The following KMT2E variants were observed in gnomAD, a reference collection of about 807,000 sequenced individuals.
KMT2E encodes histone reader KMT2E.
KMT2E carries 30 observed loss-of-function variants against 184.6 expected under a neutral mutation model. The ratio of observed to expected loss-of-function variants is 0.16; its 90% CI spans 0.12 to 0.22. KMT2E has a LOEUF of 0.22. KMT2E is among the 10% of genes least tolerant of loss of function. The probability of loss-of-function intolerance (pLI) is 1.00; values close to 1 mark genes in which losing one functional copy is unlikely to be tolerated. For synonymous variants in KMT2E, 815 were observed against 776.5 expected (o/e 1.05, Z -0.82); for missense variants, 2,023 against 2,237.4 (o/e 0.90, Z 1.93).
Position 105,078,942 on chromosome 7 carries a change from G to T in KMT2E, c.1227G>T (p.Arg409=), listed in dbSNP as rs143716416. Residue 409 remains arginine, a synonymous_variant, in exon 12 of 27, where the codon CGG becomes CGT. Transcript: ENST00000311117. ...TFGNEARFIR[R]SCTPNAEVRH... ...GGAATGAGGCTCGATTCATCAGGCG[G>T]TCTTGTACACCCAATGCAGAGGTAA... 2 of 1,603,542 alleles carry T rather than the reference G, an allele frequency of 1.2e-6. No individual in the cohort carries two copies. The highest frequency in any genetic ancestry group is 1.7e-5 in the Admixed American group (1 of 59,942).
chr7:105,101,258 G>A (rs1250888413), intron 15 of KMT2E, among the ~76,000 whole-genome samples, 167 bp from the exon 16 acceptor site: 4 of 152,044 alleles, frequency 2.6e-5, no homozygotes, highest in Non-Finnish European at 4.4e-5. Flanking sequence ...ATTCTGAAAG[G>A]TCTTCAATGA....
chr7:105,049,815 C>T (rs562580456), intron 3 of KMT2E, among the ~76,000 whole-genome samples: 2 of 151,918 alleles, frequency 1.3e-5, no homozygotes, highest in Non-Finnish European at 2.9e-5. Flanking sequence ...TGCTTGAACT[C>T]GGGAGGCAGA....
intron 1 of KMT2E, among the ~76,000 whole-genome samples, chr7:105,037,895 A>G (rs1474686305): frequency 2.0e-5 from 3 of 151,960 alleles, no homozygotes; most frequent in Non-Finnish European, 2.9e-5. Flanking sequence ...TAAATTTAAT[A>G]TTGTATCCCA....
intron 5 of KMT2E, 125 bp downstream of exon 5, chr7:105,063,705 C>G (rs1796913231): frequency 3.1e-6 from 2 of 645,686 alleles, no homozygotes; most frequent in African/African-American, 1.9e-5. Context: ...GGGACTTCTA[C>G]TATTGATGCA....
chr7:105,022,171 T>A (rs1301108096), intron 1 of KMT2E, among the ~76,000 whole-genome samples: 2 of 152,190 alleles, frequency 1.3e-5, no homozygotes, highest in African/African-American at 4.8e-5. Flanking sequence ...AATTTAACAT[T>A]GATGTAATAC....
intron 3 of KMT2E, among the ~76,000 whole-genome samples, chr7:105,055,217 G>GTTTT (rs1374514810): frequency 1.5e-5 from 2 of 130,990 alleles, no homozygotes; most frequent in Non-Finnish European, 3.3e-5. Flanking sequence ...TTCTTTTTAG[G>GTTTT]TTTTTTTTTT....
intron 1 of KMT2E, among the ~76,000 whole-genome samples, chr7:105,027,652 A>G (rs1057405472): frequency 6.6e-6 from 1 of 152,168 alleles, no homozygotes; most frequent in African/African-American, 2.4e-5. Context: ...TAGTTGTATT[A>G]TACTAGTCTT....
intron 3 of KMT2E, among the ~76,000 whole-genome samples, chr7:105,043,606 A>C (rs1426116694): frequency 2.0e-5 from 3 of 152,150 alleles, no homozygotes; most frequent in Admixed American, 2.0e-4. Flanking sequence ...TTTTTTAATG[A>C]ATAAGGACAT....
chr7:105,041,546 G>A lies in KMT2E; in HGVS notation c.71+523G>A, dbSNP rs374382525. Among the ~76,000 whole-genome samples the A allele has an allele frequency of 3.9e-5, 6 of 152,150 alleles. No homozygotes were observed. The East Asian group carries it at 7.7e-4, about 20-fold the overall frequency. On this transcript the variant is annotated intron_variant, in intron 3 of 26. Coordinates refer to ENST00000311117, the MANE Select transcript of KMT2E (RefSeq NM_182931.3). The stretch of plus-strand genomic sequence containing the variant: ...CCTCCCGAGTAGCTGTATTACAGGC[G>A]TGTGTCACCACGCCCAGCTAATTTT...
chr7:105,110,226 T>G (rs981183739), intron 23 of KMT2E, 54 bp from the exon 24 acceptor site: 2 of 1,371,088 alleles, frequency 1.5e-6, no homozygotes, highest in African/African-American at 2.9e-5. Flanking sequence ...GAAGCAACAA[T>G]GTAACTAGCA....
At chr7:105,098,024 A>C (rs1034839296) in intron 15 of KMT2E, among the ~76,000 whole-genome samples, 5 of 152,214 alleles carry the variant, frequency 3.3e-5, no homozygotes, top group African/African-American at 1.2e-4. Context: ...GATAGAGGAA[A>C]TGGAGACACC....
rs779260107 is a variant in KMT2E, at chr7:105,091,690, C to G, written c.1722+376C>G. 2.3e-4 allele frequency: 67 copies of G among 288,856 alleles called. 1 individual carries two copies. Among genetic ancestry groups the G allele is most frequent in the South Asian group, 5.6e-4 (5 of 8,968 alleles). The allele number at this position is 288,856 out of a possible 1,614,324, so 17.9% of individuals were successfully genotyped here. A position where few individuals can be genotyped will look rare whatever the true frequency, so the allele number is the denominator to read the frequency against. On this transcript the variant is annotated intron_variant, in intron 15 of 26. Transcript: ENST00000311117. ...AATAAAAGTACAAATTTAAACCTTA[C>G]TATAGCACCAAATAAATTGCTTATG...
At chr7:105,036,064 T>G (rs1055076879) in intron 1 of KMT2E, among the ~76,000 whole-genome samples, 2 of 152,196 alleles carry the variant, frequency 1.3e-5, no homozygotes, top group African/African-American at 4.8e-5. Context: ...TTAATTTCCC[T>G]TTTTGAGAGA....
chr7:105,017,933 C>T (rs143136830), intron 1 of KMT2E, among the ~76,000 whole-genome samples: 110 of 152,278 alleles, frequency 7.2e-4, no homozygotes, highest in African/African-American at 2.5e-3. Flanking sequence ...GTCTGACTTC[C>T]TCACAGCTTC....
chr7:105,098,617 G>A (rs767320288), intron 15 of KMT2E, among the ~76,000 whole-genome samples: 14 of 152,214 alleles, frequency 9.2e-5, no homozygotes, highest in Non-Finnish European at 1.9e-4. Flanking sequence ...TGGCCAGGAT[G>A]GTCTTGATCT....
intron 1 of KMT2E, among the ~76,000 whole-genome samples, chr7:105,020,051 T>C (rs1312774894): frequency 6.7e-6 from 1 of 148,848 alleles, no homozygotes; most frequent in Non-Finnish European, 1.5e-5. Context: ...GAGGTTGCAG[T>C]GAGCCGAGAT....
In KMT2E at chr7:105,106,099, T is replaced by G. The variant is rs1302213761; in HGVS notation, c.2596+96T>G. 13 of 1,223,704 alleles carry G rather than the reference T, an allele frequency of 1.1e-5. 1 individual carries two copies. Among genetic ancestry groups the G allele is most frequent in the Non-Finnish European group, 1.5e-5 (13 of 870,336 alleles). 75.8% of individuals were successfully genotyped at this position (1,223,704 alleles called of 1,614,324 possible). A position where few individuals can be genotyped will look rare whatever the true frequency, so the allele number is the denominator to read the frequency against. On this transcript the variant is annotated intron_variant, in intron 19 of 26. Coordinates refer to ENST00000311117, the MANE Select transcript of KMT2E (RefSeq NM_182931.3). ...TATTTCTAGTTACTGGTATGCACTT[T>G]AGAAGAGAAGCACATTGGTGTATAG...
chr7:105,092,051 T>C (rs1395971199), intron 15 of KMT2E, among the ~76,000 whole-genome samples: 1 of 152,190 alleles, frequency 6.6e-6, no homozygotes, highest in Non-Finnish European at 1.5e-5. Flanking sequence ...TATGGTCCTT[T>C]GTGTCCTGTT....
At chr7:105,031,241 G>A (rs897002973) in intron 1 of KMT2E, among the ~76,000 whole-genome samples, 8 of 151,482 alleles carry the variant, frequency 5.3e-5, no homozygotes, top group Non-Finnish European at 7.4e-5. Context: ...ACCTGTGATC[G>A]AGGTACTTGG....
Sources: allele counts gnomAD v4.1 joint callset (sites outside exome capture counted in the v4.1 genomes callset), GRCh38; gene constraint gnomAD v4.1.1; transcripts MANE v1.5; gene names NCBI Gene and HGNC (gene_info 2026-07-23, HGNC 2026-07-21).